Variants in NDC80 observed in about 807,000 individuals in gnomAD.
NDC80 encodes kinetochore protein NDC80 homolog.
In NDC80, 69 loss-of-function variants were observed where a neutral mutation model predicts 89.3. The observed-to-expected ratio is 0.77, with a 90% confidence interval of 0.64 to 0.94. The LOEUF (loss-of-function observed/expected upper bound fraction) is 0.94. Ranked by LOEUF, NDC80 falls within the 40% of genes least tolerant of loss-of-function variation. The pLI, the probability that NDC80 is intolerant of heterozygous loss-of-function variation, is 0.00. For missense variants in NDC80, 593 were observed against 739.6 expected (o/e 0.80, Z 2.30); for synonymous variants, 243 against 255.6 (o/e 0.95, Z 0.47).
chr18:2,611,693 A>T (rs2072745225), intron 16 of NDC80, among the ~76,000 whole-genome samples: 1 of 152,174 alleles, frequency 6.6e-6, no homozygotes, highest in African/African-American at 2.4e-5. Flanking sequence ...AGAAGCTAAG[A>T]TAAATTGCTG....
At position 2,610,212 on chromosome 18, in the gene NDC80, G is replaced by A. The variant is rs76276999; in HGVS notation, c.1689-547G>A. ...ACTGAACAGTTAATCCATAGGCTCC[G>A]TGTACATTTATGTAAAATATACATT... On this transcript the variant is annotated intron_variant, in intron 15 of 16. Transcript: ENST00000261597. Among the ~76,000 whole-genome samples the A allele has an allele frequency of 6.9e-3, 1,053 of 152,268 alleles. 17 individuals are homozygous for A. Among genetic ancestry groups the A allele is most frequent in the African/African-American group, 0.024 (994 of 41,542 alleles).
intron 2 of NDC80, 131 bp downstream of exon 2, chr18:2,573,217 T>G: frequency 1.5e-6 from 1 of 654,498 alleles, no homozygotes; most frequent in Non-Finnish European, 2.5e-6. Flanking sequence ...CAGGGGTACC[T>G]AATTTTGGAT....
intron 15 of NDC80, among the ~76,000 whole-genome samples, chr18:2,609,334 C>T (rs981123944): frequency 1.3e-5 from 2 of 151,962 alleles, no homozygotes; most frequent in Admixed American, 6.6e-5. Context: ...AATCACAGGA[C>T]CTACGGGAAA....
chr18:2,574,876 G>T (rs2143628750), intron 2 of NDC80, 113 bp from the exon 3 acceptor site: 3 of 680,142 alleles, frequency 4.4e-6, no homozygotes, highest in East Asian at 2.8e-5. Flanking sequence ...TATGATTTTT[G>T]AATTATTTTT....
At chr18:2,576,147 G>A (rs1169301838) in intron 3 of NDC80, among the ~76,000 whole-genome samples, 1 of 152,088 alleles carries the variant, frequency 6.6e-6, no homozygotes, top group African/African-American at 2.4e-5. Flanking sequence ...CAACATTTTA[G>A]TCATTTTTAC....
Position 2,611,014 on chromosome 18 carries a change from G to C in NDC80, c.1791+153G>C, listed in dbSNP as rs931203307. On this transcript the variant is annotated intron_variant, in intron 16 of 16. Coordinates refer to ENST00000261597, the MANE Select transcript of NDC80 (RefSeq NM_006101.3). ...TATCAGAAGAATCTTGTCTAGTGAT[G>C]TGGCAACGTGATGCAGGGGAACACT... Among the ~76,000 whole-genome samples, 10 of 149,124 alleles carry C rather than the reference G, an allele frequency of 6.7e-5. 1 individual carries two copies. The highest frequency in any genetic ancestry group is 2.0e-4 in the Admixed American group (3 of 14,912).
chr18:2,615,881 T>C (rs1480247058), intron 16 of NDC80, among the ~76,000 whole-genome samples: 2 of 152,162 alleles, frequency 1.3e-5, no homozygotes, highest in Non-Finnish European at 2.9e-5. Flanking sequence ...TCAATATATA[T>C]TTAGACATGT....
At chr18:2,604,296 C>T (rs187507226) in intron 13 of NDC80, among the ~76,000 whole-genome samples, 30 of 152,290 alleles carry the variant, frequency 2.0e-4, no homozygotes, top group Non-Finnish European at 3.4e-4. Flanking sequence ...TTGTGAATAA[C>T]AAGTAGGTGT....
intron 10 of NDC80, among the ~76,000 whole-genome samples, chr18:2,592,597 G>T (rs1311543613): frequency 6.6e-6 from 1 of 151,958 alleles, no homozygotes; most frequent in Non-Finnish European, 1.5e-5. Context: ...GACCTCAGGT[G>T]ATCCACCCGC....
At chr18:2,596,090 C>A (rs981083117) in intron 11 of NDC80, among the ~76,000 whole-genome samples, 1 of 152,112 alleles carries the variant, frequency 6.6e-6, no homozygotes, top group Non-Finnish European at 1.5e-5. Context: ...GTTTGGTGTA[C>A]AGGGTACTGA....
chr18:2,607,965 G>GTGTATATATATATATA (rs1284761469), intron 14 of NDC80, among the ~76,000 whole-genome samples: 1 of 68,152 alleles, frequency 1.5e-5, no homozygotes, highest in South Asian at 6.9e-4. Context: ...TATATACATA[G>GTGTATATATATATATA]TATATATATA....
Position 2,602,964 on chromosome 18 carries a change from G to C in NDC80, c.1464+1479G>C, listed in dbSNP as rs528928279. Reference sequence around the variant, plus strand: ...ATTTCATGGCTGCATGTGCAAGCTTGAGGAGAAAGAAGTATCAACATGACT... The same window carrying C: ...ATTTCATGGCTGCATGTGCAAGCTTCAGGAGAAAGAAGTATCAACATGACT... On this transcript the variant is annotated intron_variant, in intron 13 of 16. Coordinates refer to ENST00000261597, the MANE Select transcript of NDC80 (RefSeq NM_006101.3). Among the ~76,000 whole-genome samples, 5 of 145,542 alleles carry C rather than the reference G, an allele frequency of 3.4e-5. No homozygotes were observed. The South Asian group carries it at 1.0e-3, about 31-fold the overall frequency.
intron 13 of NDC80, among the ~76,000 whole-genome samples, chr18:2,602,309 A>G (rs1323205025): frequency 6.6e-6 from 1 of 152,204 alleles, no homozygotes. Context: ...TCCAATATTA[A>G]TAAATTCTAT....
At chr18:2,595,940 A>G (rs992668425) in intron 11 of NDC80, among the ~76,000 whole-genome samples, 1 of 152,216 alleles carries the variant, frequency 6.6e-6, no homozygotes, top group African/African-American at 2.4e-5. Flanking sequence ...CCTATTCACT[A>G]CTTAAGCATT....
chr18:2,596,873 G>C (rs1410443009), intron 11 of NDC80, among the ~76,000 whole-genome samples: 1 of 151,630 alleles, frequency 6.6e-6, no homozygotes, highest in African/African-American at 2.4e-5. Context: ...CATGTCCTTT[G>C]TAGGGACATG....
At chr18:2,592,932 A>G (rs914606938) in intron 10 of NDC80, among the ~76,000 whole-genome samples, 10 of 151,776 alleles carry the variant, frequency 6.6e-5, no homozygotes, top group Non-Finnish European at 8.8e-5. Context: ...GGAAAACACT[A>G]TTGGTAAACA....
chr18:2,576,880 T>C (rs916951209), intron 3 of NDC80, among the ~76,000 whole-genome samples: 30 of 152,182 alleles, frequency 2.0e-4, no homozygotes, highest in African/African-American at 6.5e-4. Flanking sequence ...AAACAAAATA[T>C]AACTTTAAGA....
At chr18:2,588,733 T>C (rs369900103) in intron 8 of NDC80, among the ~76,000 whole-genome samples, 45 of 152,294 alleles carry the variant, frequency 3.0e-4, no homozygotes, top group African/African-American at 1.0e-3. Flanking sequence ...GGCTTTGTTT[T>C]AAGAGAGGAA....
chr18:2,613,521 T>G (rs888479757), intron 16 of NDC80, among the ~76,000 whole-genome samples: 6 of 152,196 alleles, frequency 3.9e-5, no homozygotes, highest in Non-Finnish European at 5.9e-5. Flanking sequence ...TATTTCAGAA[T>G]AGTTGGATAA....
Sources: allele counts gnomAD v4.1 joint callset (sites outside exome capture counted in the v4.1 genomes callset), GRCh38; gene constraint gnomAD v4.1.1; transcripts MANE v1.5; gene names NCBI Gene and HGNC (gene_info 2026-07-23, HGNC 2026-07-21).